Variants in NEK6 observed in about 807,000 individuals in gnomAD.
NEK6 encodes NIMA related kinase 6.
In NEK6, 27 loss-of-function variants were observed where a neutral mutation model predicts 43.5. The ratio of observed to expected loss-of-function variants is 0.62; its 90% CI spans 0.46 to 0.86. NEK6 has a LOEUF of 0.86. Ranked by LOEUF, NEK6 falls within the 40% of genes least tolerant of loss-of-function variation. The pLI is 0.00. For missense variants in NEK6, 318 were observed against 414.4 expected (o/e 0.77, Z 2.02); for synonymous variants, 167 against 164.1 (o/e 1.02, Z -0.14).
chr9:124,292,314 A>AG, intron 1 of NEK6: 1 of 1,404,936 alleles, frequency 7.1e-7, no homozygotes, highest in South Asian at 1.5e-5. Context: ...AGCCTGGGAC[A>AG]GGGGTGGCTG....
At chr9:124,266,574 G>A (rs1831236114) in intron 1 of NEK6, among the ~76,000 whole-genome samples, 1 of 152,194 alleles carries the variant, frequency 6.6e-6, no homozygotes, top group East Asian at 1.9e-4. Flanking sequence ...GGGCCCCTGA[G>A]CATCCGTCTT....
intron 8 of NEK6, among the ~76,000 whole-genome samples, chr9:124,341,908 T>C (rs1049839659): frequency 2.0e-5 from 3 of 152,102 alleles, no homozygotes; most frequent in African/African-American, 7.2e-5. Context: ...GGAGGGTGCG[T>C]GCCTGTTATT....
At chr9:124,313,821 G>A in intron 3 of NEK6, 102 bp from the exon 4 acceptor site, 1 of 1,145,052 alleles carries the variant, frequency 8.7e-7, no homozygotes, top group Non-Finnish European at 1.3e-6. Context: ...CCCTTGGTGA[G>A]GAGGTGGGAG....
intron 7 of NEK6, among the ~76,000 whole-genome samples, chr9:124,331,014 G>T (rs1828956161): frequency 6.6e-6 from 1 of 152,164 alleles, no homozygotes; most frequent in African/African-American, 2.4e-5. Flanking sequence ...TGTGATCTCA[G>T]CACTTTGGGA....
At chr9:124,257,649 A>G (rs1328852782), upstream of NEK6, 4 of 1,518,860 alleles carry the variant, frequency 2.6e-6, no homozygotes, top group South Asian at 2.4e-5. Flanking sequence ...CAGGAGTCCA[A>G]GGGTTGGCTG....
At chr9:124,288,513 A>C (rs1832258597) in intron 1 of NEK6, among the ~76,000 whole-genome samples, 1 of 151,960 alleles carries the variant, frequency 6.6e-6, no homozygotes, top group Non-Finnish European at 1.5e-5. Flanking sequence ...CGAACTCTTG[A>C]CCTCAAGTGA....
chr9:124,294,082 A>G (rs1832561220), intron 1 of NEK6, among the ~76,000 whole-genome samples: 2 of 152,198 alleles, frequency 1.3e-5, no homozygotes, highest in South Asian at 2.1e-4. Context: ...TGCCAAGACT[A>G]TGGCTGGGCA....
rs1829787593 is a variant in NEK6, at chr9:124,343,978, G to A, written c.718-3731G>A. 6.6e-6 allele frequency among the ~76,000 whole-genome samples: 1 copy of A among 152,192 alleles called. No homozygotes were observed. Among genetic ancestry groups the A allele is most frequent in the African/African-American group, 2.4e-5 (1 of 41,452 alleles). On this transcript the variant is annotated intron_variant, in intron 8 of 9. Coordinates refer to ENST00000320246, the MANE Select transcript of NEK6 (RefSeq NM_014397.6). The surrounding 1 kb of genome is among the most constrained non-coding windows in gnomAD (Gnocchi z 5.1). ...AGGCCAGATGTCCAAAATCAGTCTCGCTGGGCTAAGTCAAGGTGTCAGCGG... is the reference window on the plus strand; with the variant it reads ...AGGCCAGATGTCCAAAATCAGTCTCACTGGGCTAAGTCAAGGTGTCAGCGG...
intron 4 of NEK6, among the ~76,000 whole-genome samples, chr9:124,320,098 AG>A (rs1319211734): frequency 1.3e-5 from 2 of 152,330 alleles, no homozygotes; most frequent in Non-Finnish European, 2.9e-5. Context: ...GGTTCCTCGC[AG>A]TGGTGTCTGG....
chr9:124,312,143 G>T (rs1177045145), intron 2 of NEK6, among the ~76,000 whole-genome samples: 1 of 152,260 alleles, frequency 6.6e-6, no homozygotes, highest in African/African-American at 2.4e-5. Flanking sequence ...ACCCCAGTTT[G>T]GGCATCAAGG....
chr9:124,292,530 G>T (rs1225491751), intron 1 of NEK6: 1 of 1,537,044 alleles, frequency 6.5e-7, no homozygotes, highest in Non-Finnish European at 8.7e-7. Context: ...ATGCTCGCCT[G>T]GGACCCAGGG....
intron 1 of NEK6, among the ~76,000 whole-genome samples, chr9:124,288,448 A>G (rs1832256540): frequency 6.6e-6 from 1 of 151,964 alleles, no homozygotes; most frequent in African/African-American, 2.4e-5. Context: ...ACACCCAGCT[A>G]ATTTTTTGTA....
At chr9:124,335,966 G>A (rs190371386) in intron 7 of NEK6, among the ~76,000 whole-genome samples, 4 of 152,106 alleles carry the variant, frequency 2.6e-5, no homozygotes, top group Non-Finnish European at 5.9e-5. Context: ...TAGGCGGGGC[G>A]TGGTGGCTCA....
intron 7 of NEK6, among the ~76,000 whole-genome samples, chr9:124,334,095 A>T (rs1829169472): frequency 1.3e-5 from 2 of 152,156 alleles, no homozygotes; most frequent in African/African-American, 4.8e-5. Context: ...TTCTTGATAG[A>T]CATGGTCTAC....
In NEK6 at chr9:124,337,018, C is replaced by T. The variant is rs576170471; in HGVS notation, c.623-2553C>T. ...CTCAAAAAAAAAAAAAAAAGAATTC[C>T]GGGCCTATGCCTCCAGAATAGCCAT... On this transcript the variant is annotated intron_variant, in intron 7 of 9. Coordinates refer to ENST00000320246, the MANE Select transcript of NEK6 (RefSeq NM_014397.6). Among the ~76,000 whole-genome samples, 27 of 151,300 alleles carry T rather than the reference C, an allele frequency of 1.8e-4. 1 individual carries two copies. In the East Asian group the frequency reaches 4.5e-3, roughly 25 times the overall value.
intron 1 of NEK6, chr9:124,259,248 A>C (rs187216839): frequency 7.2e-5 from 11 of 152,296 alleles, no homozygotes; most frequent in Non-Finnish European, 1.3e-4. Context: ...AGAGCTCCCT[A>C]GTTGGTCTGA....
chr9:124,335,024 G>T (rs906901322), intron 7 of NEK6, among the ~76,000 whole-genome samples: 1 of 152,192 alleles, frequency 6.6e-6, no homozygotes, highest in Non-Finnish European at 1.5e-5. Flanking sequence ...GTGCACAGTG[G>T]TGTCTCTCAC....
intron 1 of NEK6, among the ~76,000 whole-genome samples, chr9:124,259,788 C>T (rs1830955889): frequency 6.6e-6 from 1 of 152,156 alleles, no homozygotes. Context: ...TCTGCTGTCC[C>T]GTCTGCTTCG....
intron 8 of NEK6, among the ~76,000 whole-genome samples, chr9:124,347,294 A>C (rs1829983370): frequency 6.6e-6 from 1 of 152,196 alleles, no homozygotes; most frequent in East Asian, 1.9e-4. Flanking sequence ...AAGCTCTCTG[A>C]ACATGTGGGG....
Sources: allele counts gnomAD v4.1 joint callset (sites outside exome capture counted in the v4.1 genomes callset), GRCh38; gene constraint gnomAD v4.1.1; non-coding constraint Gnocchi (gnomAD v3.1); transcripts MANE v1.5; gene names NCBI Gene and HGNC (gene_info 2026-07-23, HGNC 2026-07-21).